PDE1C: variants seen among roughly 807,000 people sequenced by gnomAD.
The protein encoded by PDE1C is phosphodiesterase 1C, also known as dual specificity calcium/calmodulin-dependent 3',5'-cyclic nucleotide phosphodiesterase 1C.
Under a neutral mutation model 93.1 loss-of-function variants are expected in PDE1C, and 62 were observed. That is an observed-to-expected ratio of 0.67 (90% CI 0.54 to 0.82). The LOEUF is 0.82. PDE1C is among the 40% of genes least tolerant of loss of function. PDE1C has a pLI of 0.00. For missense variants in PDE1C, 742 were observed against 884.6 expected (o/e 0.84, Z 2.04); for synonymous variants, 325 against 310.1 (o/e 1.05, Z -0.50).
chr7:32,277,693 C>T (rs537662681), intron 1 of PDE1C, among the ~76,000 whole-genome samples: 4 of 152,174 alleles, frequency 2.6e-5, no homozygotes, highest in Non-Finnish European at 4.4e-5. Flanking sequence ...TTCAAACCTC[C>T]TCTTTCATTC....
At chr7:32,357,668 T>C (rs1784058704) in intron 1 of PDE1C, among the ~76,000 whole-genome samples, 1 of 152,208 alleles carries the variant, frequency 6.6e-6, no homozygotes, top group South Asian at 2.1e-4. Context: ...GCCCCCGTTC[T>C]GTTTCCCTAC....
At chr7:31,720,209 G>A in the PDE1C span, among the ~76,000 whole-genome samples, 1 of 136,392 alleles carries the variant, frequency 7.3e-6, no homozygotes, top group Admixed American at 7.4e-5. Flanking sequence ...GAAGTCTAAT[G>A]TGTAGAACAC....
rs190257114 is a variant in PDE1C at position 31,896,657 on chromosome 7, G to T, written c.129-15797C>A. Among the ~76,000 whole-genome samples, 40 of 152,310 alleles carry T rather than the reference G, an allele frequency of 2.6e-4. No homozygotes were observed. In the East Asian group the frequency reaches 7.5e-3, roughly 29 times the overall value. The stretch of plus-strand genomic sequence containing the variant: ...GGCATTGTTCTAAATCCAGTGCAAT[G>T]ATTCCCAAAGCCAACATTGCATTCT... On this transcript the variant is annotated intron_variant, in intron 2 of 17. Coordinates refer to ENST00000396191, the MANE Select transcript of PDE1C (RefSeq NM_001191057.4).
chr7:31,926,921 G>A (rs1803467583), intron 2 of PDE1C, among the ~76,000 whole-genome samples: 1 of 152,040 alleles, frequency 6.6e-6, no homozygotes, highest in Non-Finnish European at 1.5e-5. Flanking sequence ...GTTTTGTTTT[G>A]TTTTGTACCC....
chr7:32,369,715 A>C (rs1264042108), intron 1 of PDE1C, among the ~76,000 whole-genome samples: 1 of 152,228 alleles, frequency 6.6e-6, no homozygotes, highest in Non-Finnish European at 1.5e-5. Context: ...TATTCACAAT[A>C]GCCAAGATAC....
chr7:31,741,748 T>A, the PDE1C span, among the ~76,000 whole-genome samples: 1 of 152,124 alleles, frequency 6.6e-6, no homozygotes, highest in Non-Finnish European at 1.5e-5. Context: ...CAGGAAGAAA[T>A]GAGCTTACCT....
chr7:31,931,349 A>T (rs1043609231), intron 2 of PDE1C, among the ~76,000 whole-genome samples: 1 of 152,244 alleles, frequency 6.6e-6, no homozygotes, highest in African/African-American at 2.4e-5. Context: ...GCATTGTCTC[A>T]GCCCAAAAAC....
At chr7:32,272,535 G>T (rs561995717) in intron 1 of PDE1C, among the ~76,000 whole-genome samples, 1 of 152,308 alleles carries the variant, frequency 6.6e-6, no homozygotes, top group African/African-American at 2.4e-5. Context: ...GATTTATTAC[G>T]CTGTAAAAAC....
At chr7:32,001,717 C>CAATCAA (rs1785486451) in intron 2 of PDE1C, among the ~76,000 whole-genome samples, 2 of 152,202 alleles carry the variant, frequency 1.3e-5, no homozygotes, top group African/African-American at 4.8e-5. Context: ...GGGAGGAGCT[C>CAATCAA]AATCAAAATC....
chr7:31,741,523 A>G, the PDE1C span, among the ~76,000 whole-genome samples: 3 of 152,074 alleles, frequency 2.0e-5, no homozygotes, highest in East Asian at 1.9e-4. Context: ...TCATTCTACT[A>G]TGTTTTAACT....
At chr7:32,036,349 T>C (rs1324514979) in intron 2 of PDE1C, among the ~76,000 whole-genome samples, 1 of 152,188 alleles carries the variant, frequency 6.6e-6, no homozygotes, top group South Asian at 2.1e-4. Flanking sequence ...GTGAGTTGTA[T>C]AGCTTAAATG....
chr7:31,701,842 AT>A, the PDE1C span, among the ~76,000 whole-genome samples: 1 of 152,212 alleles, frequency 6.6e-6, no homozygotes, highest in Non-Finnish European at 1.5e-5. Flanking sequence ...TATGCTCATT[AT>A]TTTTAAAGAC....
intron 3 of PDE1C, among the ~76,000 whole-genome samples, chr7:31,879,578 C>A (rs562563902): frequency 6.6e-6 from 1 of 152,300 alleles, no homozygotes; most frequent in South Asian, 2.1e-4. Flanking sequence ...AGAGACTTTG[C>A]AAAGTATTTA....
At chr7:32,374,309 A>AAGAAAGAG (rs61357676) in intron 1 of PDE1C, among the ~76,000 whole-genome samples, 35 of 146,614 alleles carry the variant, frequency 2.4e-4, no homozygotes, top group African/African-American at 8.9e-4. Flanking sequence ...GAAAGAAAGA[A>AAGAAAGAG]GAAAAGAAAA....
chr7:32,195,103 A>T (rs1804523381), intron 2 of PDE1C, among the ~76,000 whole-genome samples: 1 of 152,188 alleles, frequency 6.6e-6, no homozygotes, highest in South Asian at 2.1e-4. Context: ...CTATACATAC[A>T]TTTAGAACAT....
At chr7:31,857,670 C>T (rs564800665) in intron 7 of PDE1C, among the ~76,000 whole-genome samples, 2 of 152,236 alleles carry the variant, frequency 1.3e-5, no homozygotes, top group South Asian at 2.1e-4. Flanking sequence ...CACCCCTGAC[C>T]CATCTAACCC....
intron 11 of PDE1C, among the ~76,000 whole-genome samples, chr7:31,831,500 A>ACACATGCACG (rs1790397970): frequency 1.3e-4 from 1 of 7,800 alleles, no homozygotes; most frequent in South Asian, 4.0e-3. Context: ...ACATGCACGC[A>ACACATGCACG]CACACACACA....
At chr7:31,756,791 A>C (rs963868373) in intron 17 of PDE1C, among the ~76,000 whole-genome samples, 1 of 152,182 alleles carries the variant, frequency 6.6e-6, no homozygotes, top group Non-Finnish European at 1.5e-5. Context: ...TGATCATCAA[A>C]AACAGATGAG....
the PDE1C span, among the ~76,000 whole-genome samples, chr7:31,686,358 C>T: frequency 2.0e-5 from 3 of 152,184 alleles, no homozygotes; most frequent in Admixed American, 6.5e-5. Flanking sequence ...AGCATGTCTC[C>T]CGCCTCTCCC....
Sources: gnomAD v4.1 joint callset for allele counts (sites outside exome capture counted in the v4.1 genomes callset) on GRCh38, gnomAD v4.1.1 for gene constraint, MANE v1.5 for transcripts, NCBI Gene and HGNC (gene_info 2026-07-23, HGNC 2026-07-21) for gene names.